RALYL: variants seen among roughly 807,000 people sequenced by gnomAD.
RALYL encodes RNA-binding Raly-like protein.
RALYL carries 29 observed loss-of-function variants against 35.1 expected under a neutral mutation model. That is an observed-to-expected ratio of 0.83 (90% CI 0.61 to 1.13). The LOEUF (loss-of-function observed/expected upper bound fraction) is 1.13, where lower values mean the gene tolerates loss of function less well. Ranked by LOEUF, RALYL falls within the 50% of genes most tolerant of loss-of-function variation. The pLI is 0.00. For missense variants in RALYL, 359 were observed against 360.4 expected, an observed-to-expected ratio of 1.00 and a Z score of 0.03; for synonymous variants, 120 against 127.6, an observed-to-expected ratio of 0.94 and a Z score of 0.40.
intron 1 of RALYL, among the ~76,000 whole-genome samples, chr8:84,456,464 A>G (rs1456928512): frequency 6.6e-6 from 1 of 151,888 alleles, no homozygotes; most frequent in Non-Finnish European, 1.5e-5. Flanking sequence ...CCCAAACCAA[A>G]TGTTCTTCTT....
intron 2 of RALYL, among the ~76,000 whole-genome samples, chr8:84,732,300 TA>T (rs1846324297): frequency 6.6e-6 from 1 of 152,074 alleles, no homozygotes. Context: ...CATGAATGAT[TA>T]ATAGCCTCAT....
chr8:84,610,435 A>G (rs1442556432), intron 2 of RALYL, among the ~76,000 whole-genome samples: 1 of 152,124 alleles, frequency 6.6e-6, no homozygotes, highest in Non-Finnish European at 1.5e-5. Context: ...TTTTTAGCAC[A>G]TCACAACAAA....
intron 1 of RALYL, among the ~76,000 whole-genome samples, chr8:84,413,195 T>A (rs1220987920): frequency 6.6e-6 from 1 of 151,388 alleles, no homozygotes; most frequent in African/African-American, 2.4e-5. Flanking sequence ...ATAAAAATGG[T>A]AATTTTAAGA....
intron 2 of RALYL, among the ~76,000 whole-genome samples, chr8:84,724,611 A>C (rs1844603000): frequency 6.6e-6 from 1 of 151,676 alleles, no homozygotes; most frequent in South Asian, 2.1e-4. Context: ...CTTTGTTTTG[A>C]CCTCTGCTCT....
chr8:84,897,448 A>G (rs1249696337), intron 8 of RALYL, among the ~76,000 whole-genome samples: 1 of 152,200 alleles, frequency 6.6e-6, no homozygotes, highest in African/African-American at 2.4e-5. Flanking sequence ...CAGTTTGTTA[A>G]ATTTTTATTT....
At chr8:84,471,448 G>C (rs115310138) in intron 1 of RALYL, among the ~76,000 whole-genome samples, 5,939 of 150,710 alleles carry the variant, frequency 0.039, 237 homozygotes, top group African/African-American at 0.099. Flanking sequence ...AAAAAACTTA[G>C]CTGAGTGTGG....
At chr8:84,748,900 G>A (rs773686511) in intron 2 of RALYL, among the ~76,000 whole-genome samples, 3 of 151,916 alleles carry the variant, frequency 2.0e-5, no homozygotes, top group Non-Finnish European at 4.4e-5. Context: ...TTTTGTTTAT[G>A]TCCTTTGTCT....
chr8:84,827,582 T>C (rs1829986357), intron 4 of RALYL, among the ~76,000 whole-genome samples: 1 of 152,006 alleles, frequency 6.6e-6, no homozygotes, highest in Admixed American at 6.6e-5. Context: ...TTAAAATCAA[T>C]AAAATCAAAA....
intron 2 of RALYL, among the ~76,000 whole-genome samples, chr8:84,721,969 T>G (rs1844002214): frequency 6.6e-6 from 1 of 152,102 alleles, no homozygotes; most frequent in Non-Finnish European, 1.5e-5. Flanking sequence ...TTCCGAAGCA[T>G]TTAAAGTTAT....
At chr8:84,522,586 T>C (rs797018175) in intron 1 of RALYL, among the ~76,000 whole-genome samples, 67 of 152,330 alleles carry the variant, frequency 4.4e-4, no homozygotes, top group African/African-American at 1.4e-3. Flanking sequence ...TTAATTCAAA[T>C]ATCACTCACT....
At chr8:84,399,645 T>C (rs566685362) in intron 1 of RALYL, among the ~76,000 whole-genome samples, 73 of 152,338 alleles carry the variant, frequency 4.8e-4, no homozygotes, top group Non-Finnish European at 7.5e-4. Context: ...TTTATTTATT[T>C]CAATCTTATT....
At chr8:84,293,203 G>A (rs1241205059) in intron 1 of RALYL, among the ~76,000 whole-genome samples, 2 of 152,016 alleles carry the variant, frequency 1.3e-5, no homozygotes, top group Non-Finnish European at 2.9e-5. Flanking sequence ...CTGAGCAATA[G>A]GGGAAATTTT....
intron 3 of RALYL, among the ~76,000 whole-genome samples, chr8:84,795,735 C>A (rs1278933130): frequency 1.3e-5 from 2 of 152,156 alleles, no homozygotes; most frequent in Non-Finnish European, 2.9e-5. Context: ...CAGGCCCTTA[C>A]ACCCTGAGGC....
intron 1 of RALYL, among the ~76,000 whole-genome samples, chr8:84,268,318 G>A (rs1437266017): frequency 6.6e-6 from 1 of 152,168 alleles, no homozygotes; most frequent in African/African-American, 2.4e-5. Flanking sequence ...GCCATTAGCT[G>A]ACTTCTGCCC....
At chr8:84,387,787 T>TTTTC (rs893259976) in intron 1 of RALYL, among the ~76,000 whole-genome samples, 6 of 147,850 alleles carry the variant, frequency 4.1e-5, no homozygotes, top group African/African-American at 1.3e-4. Flanking sequence ...AAGGTGGTTC[T>TTTTC]TTTCTTTCTT....
intron 1 of RALYL, among the ~76,000 whole-genome samples, chr8:84,463,209 A>C (rs561939758): frequency 1.3e-5 from 2 of 152,046 alleles, no homozygotes; most frequent in East Asian, 1.9e-4. Context: ...TGCTCCTCTC[A>C]TGACACTGTT....
intron 2 of RALYL, among the ~76,000 whole-genome samples, chr8:84,718,025 G>T (rs986905508): frequency 1.3e-5 from 2 of 152,144 alleles, no homozygotes; most frequent in East Asian, 3.9e-4. Flanking sequence ...TTATAAAGTG[G>T]TATGGCTTAA....
At chr8:84,794,171 A>G (rs1821402019) in intron 3 of RALYL, among the ~76,000 whole-genome samples, 1 of 152,234 alleles carries the variant, frequency 6.6e-6, no homozygotes, top group Non-Finnish European at 1.5e-5. Flanking sequence ...CCTTGAAAAT[A>G]CATAGATCAT....
intron 4 of RALYL, among the ~76,000 whole-genome samples, chr8:84,839,827 CA>C (rs1832823412): frequency 6.6e-6 from 1 of 152,222 alleles, no homozygotes; most frequent in Admixed American, 6.5e-5. Flanking sequence ...TGCTGTTCTG[CA>C]GCCACGACTG....
Sources: gnomAD v4.1 joint callset for allele counts (sites outside exome capture counted in the v4.1 genomes callset) on GRCh38, gnomAD v4.1.1 for gene constraint, MANE v1.5 for transcripts, NCBI Gene and HGNC (gene_info 2026-07-23, HGNC 2026-07-21) for gene names.